Variants in ZNF385C observed in about 807,000 individuals in gnomAD.
The protein encoded by ZNF385C is CTD-2132N18.2.
A neutral mutation model predicts 35.4 loss-of-function variants in ZNF385C; 28 were observed. The ratio of observed to expected loss-of-function variants is 0.79; its 90% confidence interval spans 0.59 to 1.08. The LOEUF is 1.08. Ranked by LOEUF, ZNF385C falls within the 50% of genes least tolerant of loss-of-function variation. The probability of loss-of-function intolerance (pLI) is 0.00; values close to 1 mark genes in which losing one functional copy is unlikely to be tolerated. For missense variants in ZNF385C, 605 were observed against 595.6 expected (o/e 1.02, Z -0.16); for synonymous variants, 248 against 248.2 (o/e 1.00, Z 0.01).
intron 2 of ZNF385C, among the ~76,000 whole-genome samples, chr17:42,059,849 T>G (rs1431530563): frequency 6.6e-6 from 1 of 152,194 alleles, no homozygotes; most frequent in African/African-American, 2.4e-5. Context: ...CTCAAACTCC[T>G]GACCTCAAGT....
chr17:42,040,481 G>A, intron 2 of ZNF385C: 2 of 1,232,364 alleles, frequency 1.6e-6, no homozygotes, highest in Non-Finnish European at 2.0e-6. Flanking sequence ...TCTGCCTGCA[G>A]GACAAGGGAG....
chr17:42,032,221 C>T (rs1203866669), intron 4 of ZNF385C, among the ~76,000 whole-genome samples: 6 of 152,034 alleles, frequency 3.9e-5, no homozygotes, highest in African/African-American at 7.3e-5. Flanking sequence ...CCACCACACC[C>T]GGCTAATTTT....
chr17:42,084,785 A>C (rs1555660009), intron 1 of ZNF385C, among the ~76,000 whole-genome samples: 1 of 151,898 alleles, frequency 6.6e-6, no homozygotes, highest in African/African-American at 2.4e-5. Flanking sequence ...TAATTTAAAA[A>C]AAAATTTTTT....
intron 1 of ZNF385C, among the ~76,000 whole-genome samples, chr17:42,092,444 G>A (rs1456486484): frequency 6.6e-6 from 1 of 152,158 alleles, no homozygotes; most frequent in African/African-American, 2.4e-5. Flanking sequence ...GTGCTCATAG[G>A]ATGGGATGAG....
chr17:42,091,795 A>G (rs1222580662), intron 1 of ZNF385C, among the ~76,000 whole-genome samples: 1 of 152,214 alleles, frequency 6.6e-6, no homozygotes, highest in Non-Finnish European at 1.5e-5. Flanking sequence ...GCTGCTAACT[A>G]GGACAGCAAA....
intron 2 of ZNF385C, chr17:42,043,249 A>T: frequency 1.6e-6 from 2 of 1,232,270 alleles, no homozygotes; most frequent in Non-Finnish European, 2.0e-6. Flanking sequence ...GAGGCAGAAC[A>T]TCAGCTTCCG....
chr17:42,084,739 T>C (rs1330497172), intron 1 of ZNF385C, among the ~76,000 whole-genome samples: 1 of 152,038 alleles, frequency 6.6e-6, no homozygotes, highest in African/African-American at 2.4e-5. Context: ...ACCTCCCAAG[T>C]AGCTTTGACT....
intron 1 of ZNF385C, among the ~76,000 whole-genome samples, chr17:42,096,213 C>G (rs374797634): frequency 1.3e-5 from 2 of 152,334 alleles, no homozygotes; most frequent in East Asian, 3.9e-4. Context: ...TGTCCCTTCA[C>G]TGTCCGTAGG....
chr17:42,097,453 C>A lies in ZNF385C; in HGVS notation c.-3+957G>T, dbSNP rs556844072. Among the ~76,000 whole-genome samples, 5 of 152,272 alleles carry A rather than the reference C, an allele frequency of 3.3e-5. No homozygotes were observed. The East Asian group carries it at 9.7e-4, about 29-fold the overall frequency. ...ACAGACAAGGAAGCCCCCCTCCCCCCATTGTCACCCGTGTCTGTCCAAAGG... is the reference window on the plus strand; with the variant it reads ...ACAGACAAGGAAGCCCCCCTCCCCCAATTGTCACCCGTGTCTGTCCAAAGG... On this transcript the variant is annotated intron_variant, in intron 1 of 8. Transcript: ENST00000692273.
chr17:42,054,329 AGGAGCCC>A (rs1303153354), intron 2 of ZNF385C, among the ~76,000 whole-genome samples: 3 of 152,176 alleles, frequency 2.0e-5, no homozygotes, highest in Non-Finnish European at 4.4e-5. Flanking sequence ...TTGCTGCTGC[AGGAGCCC>A]GTTTTCCTGC....
At position 42,035,962 on chromosome 17, in the gene ZNF385C, G is replaced by A. The variant is rs551443809; in HGVS notation, c.400-1627C>T. Among the ~76,000 whole-genome samples the A allele has an allele frequency of 1.2e-4, 18 of 151,824 alleles. 1 individual carries two copies. Among genetic ancestry groups the A allele is most frequent in the African/African-American group, 3.1e-4 (13 of 41,408 alleles). ...CTAAGGTTCCCCAAGGAGTAGGATC[G>A]TTTCTTTGGAATATTAATTTGGATT... On this transcript the variant is annotated intron_variant, in intron 3 of 8. Coordinates refer to ENST00000692273, the MANE Select transcript of ZNF385C (RefSeq NM_001392013.1).
chr17:42,038,356 G>A (rs2143617528), intron 2 of ZNF385C: 1 of 377,916 alleles, frequency 2.6e-6, no homozygotes, highest in Non-Finnish European at 4.8e-6. Context: ...AGGATTTCAT[G>A]GCCAGGGCTG....
intron 1 of ZNF385C, among the ~76,000 whole-genome samples, chr17:42,079,431 G>A (rs1282481259): frequency 7.4e-5 from 11 of 147,968 alleles, no homozygotes; most frequent in Admixed American, 4.7e-4. Context: ...GCTCACGCCT[G>A]TAATCCCAGC....
chr17:42,080,728 CT>C (rs1276881605), intron 1 of ZNF385C, among the ~76,000 whole-genome samples: 2 of 152,204 alleles, frequency 1.3e-5, no homozygotes, highest in Non-Finnish European at 2.9e-5. Flanking sequence ...AGAAGGAGTC[CT>C]TTCAAAACCA....
At chr17:42,059,207 C>G (rs2053424933) in intron 2 of ZNF385C, among the ~76,000 whole-genome samples, 1 of 152,248 alleles carries the variant, frequency 6.6e-6, no homozygotes, top group African/African-American at 2.4e-5. Context: ...CCCTGCCCCA[C>G]TCCCACAGTG....
At chr17:42,032,132 C>T (rs1457687742) in intron 4 of ZNF385C, among the ~76,000 whole-genome samples, 1 of 152,148 alleles carries the variant, frequency 6.6e-6, no homozygotes, top group Non-Finnish European at 1.5e-5. Context: ...GCCATCTCAG[C>T]TCACTGCAAC....
At chr17:42,085,350 C>T (rs2053795041) in intron 1 of ZNF385C, among the ~76,000 whole-genome samples, 1 of 151,970 alleles carries the variant, frequency 6.6e-6, no homozygotes, top group Non-Finnish European at 1.5e-5. Flanking sequence ...CTCACTGCAA[C>T]CTCCACCTCG....
intron 2 of ZNF385C, among the ~76,000 whole-genome samples, chr17:42,060,000 T>C (rs1320715563): frequency 1.3e-5 from 2 of 152,102 alleles, no homozygotes; most frequent in Non-Finnish European, 2.9e-5. Flanking sequence ...GGGAGGAGCT[T>C]TTACCACAGG....
At chr17:42,041,150 G>T (rs2053010015) in intron 2 of ZNF385C, 2 of 1,232,232 alleles carry the variant, frequency 1.6e-6, no homozygotes, top group Non-Finnish European at 2.0e-6. Context: ...GCCTTCAGGC[G>T]CTGGCAGGCC....
Sources: gnomAD v4.1 joint callset for allele counts (sites outside exome capture counted in the v4.1 genomes callset) on GRCh38, gnomAD v4.1.1 for gene constraint, MANE v1.5 for transcripts, NCBI Gene and HGNC (gene_info 2026-07-23, HGNC 2026-07-21) for gene names.